SPTA1: variants seen among roughly 807,000 people sequenced by gnomAD.
SPTA1 encodes spectrin alpha chain, erythrocytic 1.
A neutral mutation model predicts 324.7 loss-of-function variants in SPTA1; 177 were observed. That is an observed-to-expected ratio of 0.55 (90% CI 0.48 to 0.62). The LOEUF (loss-of-function observed/expected upper bound fraction) is 0.62, where lower values mean the gene tolerates loss of function less well. Ranked by LOEUF, SPTA1 falls within the 20% of genes least tolerant of loss-of-function variation. SPTA1 has a pLI of 0.00. For synonymous variants in SPTA1, 1,195 were observed against 1,041.3 expected (o/e 1.15, Z -2.84); for missense variants, 3,162 against 2,883.6 (o/e 1.10, Z -2.21).
At chr1:158,635,733 G>T (rs774344551) in intron 38 of SPTA1, among the ~76,000 whole-genome samples, 180 bp downstream of exon 38, 3 of 152,168 alleles carry the variant, frequency 2.0e-5, no homozygotes, top group Non-Finnish European at 2.9e-5. Flanking sequence ...AGTGATCATC[G>T]TGTCTGGGGT....
intron 23 of SPTA1, among the ~76,000 whole-genome samples, chr1:158,651,688 T>C (rs1652447934): frequency 6.6e-6 from 1 of 152,202 alleles, no homozygotes. Flanking sequence ...TATTTATCTG[T>C]AGTATGAAGC....
At chr1:158,679,957 G>C (rs1167944140) in intron 5 of SPTA1, among the ~76,000 whole-genome samples, 1 of 152,024 alleles carries the variant, frequency 6.6e-6, no homozygotes, top group Non-Finnish European at 1.5e-5. Flanking sequence ...TCACTATAGA[G>C]CTGCAATCAT....
At chr1:158,681,763 T>C (rs1244164524) in intron 3 of SPTA1, 96 bp from the exon 4 acceptor site, 5 of 1,515,524 alleles carry the variant, frequency 3.3e-6, no homozygotes, top group Non-Finnish European at 4.5e-6. Context: ...TAAAAATTCT[T>C]CTCTCAGTTA....
intron 33 of SPTA1, among the ~76,000 whole-genome samples, chr1:158,641,708 G>A (rs1036448520): frequency 3.6e-4 from 55 of 152,260 alleles, no homozygotes; most frequent in African/African-American, 1.3e-3. Context: ...TTACACTGCT[G>A]GTGGGACTGT....
Position 158,654,544 on chromosome 1 carries a change from G to C in SPTA1, c.3036+67C>G. 5 of 1,596,420 alleles carry C rather than the reference G, an allele frequency of 3.1e-6. No homozygotes were observed. The South Asian group carries it at 4.4e-5, about 14-fold the overall frequency. On this transcript the variant is annotated intron_variant, in intron 21 of 51. Transcript: ENST00000643759. ...TTAGATGGTAAAAATATGAATATCT[G>C]GCAGGATTGGGAGAGATGGTTCTGA...
In SPTA1 at chr1:158,653,392, C is replaced by A; in HGVS notation, c.3070G>T (p.Gly1024Cys). ...WWKVEAADHQGIVPAVYVRRL... is the reference protein window; with the variant it reads ...WWKVEAADHQCIVPAVYVRRL... ...CTGACATAGACAGCTGGGACAATGC[C>A]CTGATGATCAGCAGCTTCCACCTTC... The change falls in exon 22 of 52, where the codon GGC (glycine) becomes TGC (cysteine). Residue 1024 changes from glycine (G) to cysteine (C), a missense_variant. Transcript: ENST00000643759. 4 of 1,613,998 alleles carry A rather than the reference C, an allele frequency of 2.5e-6. No individual in the cohort carries two copies. Among genetic ancestry groups the A allele is most frequent in the Non-Finnish European group, 2.5e-6 (3 of 1,179,988 alleles).
In SPTA1 at chr1:158,613,756, C is replaced by T; in HGVS notation, c.6954G>A (p.Lys2318=). The change falls in exon 50 of 52, where the codon AAG becomes AAA. Residue 2318 remains lysine (K), a synonymous_variant. Transcript: ENST00000643759. ...CCACAGCATCCAGGAACTTCTCAAA[C>T]TTGGGCTCATGTTCATCCTCCTCCA... ...PMVEEDEHEP[K]FEKFLDAVDP... 4 of 1,613,826 alleles carry T rather than the reference C, an allele frequency of 2.5e-6. No individual in the cohort carries two copies. The highest frequency in any genetic ancestry group is 1.1e-5 in the South Asian group (1 of 91,068).
At chr1:158,641,371 C>G (rs1234148512) in intron 33 of SPTA1, among the ~76,000 whole-genome samples, 1 of 152,096 alleles carries the variant, frequency 6.6e-6, no homozygotes, top group East Asian at 1.9e-4. Flanking sequence ...AGTGAAGAGG[C>G]AACCTACAGA....
At position 158,674,719 on chromosome 1, in the gene SPTA1, A is replaced by G. The variant is rs73020267; in HGVS notation, c.1113-44T>C. The G allele has an allele frequency of 4.3e-3, 6,929 of 1,609,328 alleles. 231 individuals carry two copies. In the African/African-American group the frequency reaches 0.077, roughly 18 times the overall value. ...AAAAGACAGGAAGGAGAAACCAGAT[A>G]TGAAAGGACATTGAACAAAGATTTA... On this transcript the variant is annotated intron_variant, in intron 8 of 51. Transcript: ENST00000643759.
intron 43 of SPTA1, among the ~76,000 whole-genome samples, chr1:158,621,982 A>G (rs1649942782): frequency 6.6e-6 from 1 of 152,172 alleles, no homozygotes; most frequent in Non-Finnish European, 1.5e-5. Context: ...CTCCTGCCTC[A>G]GCCTCCTGAG....
rs1362022943 is a variant in SPTA1, at chr1:158,636,744, A to G, written c.5207T>C (p.Val1736Ala). ...ESWIEEKLIRVSSQDYGRDLQ... is the reference protein window; with the variant it reads ...ESWIEEKLIRASSQDYGRDLQ... Reference sequence around the variant, plus strand: ...ATCTCTCCCATAGTCCTGGGAGCTCACTCGTATCAACTTCTCCCTAAAATC... The same window carrying G: ...ATCTCTCCCATAGTCCTGGGAGCTCGCTCGTATCAACTTCTCCCTAAAATC... The change falls in exon 37 of 52, where the codon GTG becomes GCG. Residue 1736 changes from valine (V) to alanine (A), a missense_variant. Val to Ala is a moderately conservative substitution (Grantham distance 64). Transcript: ENST00000643759. The G allele has an allele frequency of 2.5e-6, 4 of 1,614,036 alleles. No homozygotes were observed. The highest frequency in any genetic ancestry group is 1.7e-4 in the Middle Eastern group (1 of 6,058).
At chr1:158,636,965 T>C (rs914649553) in intron 36 of SPTA1, among the ~76,000 whole-genome samples, 2 of 152,166 alleles carry the variant, frequency 1.3e-5, no homozygotes, top group Non-Finnish European at 2.9e-5. Context: ...CAAATTAAAG[T>C]AACATACTGA....
intron 21 of SPTA1, 146 bp from the exon 22 acceptor site, chr1:158,653,571 A>C: frequency 9.3e-7 from 1 of 1,078,916 alleles, no homozygotes; most frequent in Non-Finnish European, 1.4e-6. Context: ...CATAATTTTC[A>C]TATATGACCA....
Position 158,613,885 on chromosome 1 carries a change from A to G in SPTA1, c.6843-18T>C. 6.2e-7 allele frequency: 1 copy of G among 1,609,000 alleles called. No individual in the cohort carries two copies. Among genetic ancestry groups the G allele is most frequent in the Non-Finnish European group, 8.5e-7 (1 of 1,176,932 alleles). On this transcript the variant is annotated intron_variant, in intron 49 of 51. Transcript: ENST00000643759. ...CAAAGTGTCTAAAGGATAAAAAAAG[A>G]AAAAAAAATTTATCAAGCTCAATAG...
chr1:158,639,440 C>G, intron 35 of SPTA1, 142 bp downstream of exon 35: 1 of 803,082 alleles, frequency 1.2e-6, no homozygotes, highest in South Asian at 1.4e-5. Flanking sequence ...GTTAATTTTA[C>G]CTAATTAAAA....
chr1:158,613,678 A>AC (rs1386710465), intron 50 of SPTA1, 43 bp downstream of exon 50: 1 of 1,612,090 alleles, frequency 6.2e-7, no homozygotes, highest in African/African-American at 1.3e-5. Context: ...CTCCCTCCAA[A>AC]CCCCCATCCC....
intron 41 of SPTA1, 149 bp downstream of exon 41, chr1:158,626,690 G>A (rs1318192930): frequency 8.7e-6 from 8 of 922,258 alleles, no homozygotes; most frequent in South Asian, 1.4e-5. Context: ...GTGCAAATGT[G>A]AGTGTAATTC....
chr1:158,656,894 T>C (rs533389808), intron 19 of SPTA1, among the ~76,000 whole-genome samples: 11 of 152,354 alleles, frequency 7.2e-5, no homozygotes, highest in Admixed American at 2.6e-4. Context: ...AGTATTTTTA[T>C]CAACACAGAT....
At chr1:158,643,240 G>A in intron 31 of SPTA1, 82 bp downstream of exon 31, 1 of 1,489,112 alleles carries the variant, frequency 6.7e-7, no homozygotes, top group South Asian at 1.1e-5. Context: ...GGAAGCCAGA[G>A]TATTCCCCCA....
Sources: allele counts gnomAD v4.1 joint callset (sites outside exome capture counted in the v4.1 genomes callset), GRCh38; gene constraint gnomAD v4.1.1; transcripts MANE v1.5; gene names NCBI Gene and HGNC (gene_info 2026-07-23, HGNC 2026-07-21).